The following CFAP70 variants were observed in gnomAD, a reference collection of about 807,000 sequenced individuals.
CFAP70 encodes cilia and flagella associated protein 70, also known as cilia- and flagella-associated protein 70.
CFAP70 carries 81 observed loss-of-function variants against 137.6 expected under a neutral mutation model. That is an observed-to-expected ratio of 0.59 (90% confidence interval 0.49 to 0.71). The LOEUF is 0.71. CFAP70 is among the 30% of genes least tolerant of loss of function. The pLI, the probability that CFAP70 is intolerant of heterozygous loss-of-function variation, is 0.00. For missense variants in CFAP70, 976 were observed against 1,226.7 expected (o/e 0.80, Z 3.05); for synonymous variants, 382 against 423.6 (o/e 0.90, Z 1.20).
intron 3 of CFAP70, among the ~76,000 whole-genome samples, chr10:73,348,868 C>G (rs986801444): frequency 1.3e-5 from 2 of 151,882 alleles, no homozygotes; most frequent in Non-Finnish European, 2.9e-5. Flanking sequence ...TTCGAGACCA[C>G]CCTGACAAAC....
At chr10:73,299,543 T>C in intron 13 of CFAP70, 62 bp downstream of exon 14, 1 of 1,379,688 alleles carries the variant, frequency 7.2e-7, no homozygotes, top group Non-Finnish European at 1.0e-6. Context: ...GTCCATGCAA[T>C]TAACAAGTGC....
chr10:73,281,170 A>C (rs145540506), intron 19 of CFAP70, among the ~76,000 whole-genome samples: 78 of 151,804 alleles, frequency 5.1e-4, no homozygotes, highest in African/African-American at 1.9e-3. Context: ...TGGGTTGATT[A>C]TTTATTTATT....
rs188183792 is a variant in CFAP70, at chr10:73,274,215, A to C, written c.2835+218T>G. On this transcript the variant is annotated intron_variant, in intron 23 of 26. Coordinates refer to ENST00000310715, the Ensembl canonical transcript of CFAP70. ...GAGTTCTTAAGAACTGTTTAGTAGC[A>C]TAATGGTTAAAATCACAGACTCTCG... 4.0e-3 allele frequency among the ~76,000 whole-genome samples: 610 copies of C among 152,358 alleles called. 1 individual carries two copies. Among genetic ancestry groups the C allele is most frequent in the Non-Finnish European group, 6.7e-3 (458 of 68,032 alleles).
intron 1 of CFAP70, among the ~76,000 whole-genome samples, chr10:73,356,753 C>A (rs1378490484): frequency 6.6e-6 from 1 of 152,066 alleles, no homozygotes; most frequent in Non-Finnish European, 1.5e-5. Context: ...TTTGAAATGC[C>A]CTTTTGTATC....
chr10:73,328,535 C>T (rs890553719), intron 8 of CFAP70, among the ~76,000 whole-genome samples: 37 of 147,754 alleles, frequency 2.5e-4, no homozygotes, highest in Admixed American at 2.3e-3. Context: ...AAGAAACTAC[C>T]ATCAGAGTGA....
intron 25 of CFAP70, among the ~76,000 whole-genome samples, chr10:73,256,682 T>C (rs552562022): frequency 2.6e-5 from 4 of 151,732 alleles, no homozygotes; most frequent in South Asian, 2.1e-4. Flanking sequence ...GGTGGGTGGA[T>C]CACAAGGTCA....
At chr10:73,338,238 T>A (rs1280467021) in intron 6 of CFAP70, among the ~76,000 whole-genome samples, 1 of 146,336 alleles carries the variant, frequency 6.8e-6, no homozygotes, top group African/African-American at 2.5e-5. Context: ...TCCGCCTCCG[T>A]GTCCCGGGTT....
At position 73,331,380 on chromosome 10, in the gene CFAP70, C is replaced by T. The variant is rs1251604683; in HGVS notation, c.678-104G>A. The T allele has an allele frequency of 1.1e-5, 11 of 964,878 alleles. No individual in the cohort carries two copies. The Admixed American group carries it at 3.0e-4, about 26-fold the overall frequency. 59.8% of individuals were successfully genotyped at this position (964,878 alleles called of 1,614,324 possible). A position where few individuals can be genotyped will look rare whatever the true frequency, so the allele number is the denominator to read the frequency against. On this transcript the variant is annotated intron_variant, in intron 7 of 26. Coordinates refer to ENST00000310715, the Ensembl canonical transcript of CFAP70. ...CTTTTAGAAAGTAATATAGAATATA[C>T]ATATATAAAAATTGGGGGGCTCGGC... is the stretch of plus-strand genomic sequence containing the variant.
intron 25 of CFAP70, among the ~76,000 whole-genome samples, chr10:73,261,956 G>C (rs1001743307): frequency 1.4e-5 from 2 of 147,424 alleles, no homozygotes; most frequent in African/African-American, 5.0e-5. Flanking sequence ...AAGAATACAT[G>C]TACTGTATAC....
chr10:73,306,804 G>C (rs980753744), intron 12 of CFAP70, among the ~76,000 whole-genome samples: 2 of 152,130 alleles, frequency 1.3e-5, no homozygotes, highest in African/African-American at 4.8e-5. Context: ...ACAAAATTAA[G>C]ACAGTTTGAT....
intron 19 of CFAP70, among the ~76,000 whole-genome samples, chr10:73,281,373 G>A (rs1170906919): frequency 6.6e-6 from 1 of 150,678 alleles, no homozygotes; most frequent in African/African-American, 2.4e-5. Context: ...AATTTTTGTA[G>A]AGATAGAGTT....
exon 21 of CFAP70, chr10:73,277,325 T>C: frequency 6.2e-7 from 1 of 1,614,138 alleles, no homozygotes; most frequent in Non-Finnish European, 8.5e-7. Context: ...AAGGCCGGGA[T>C]GCAGAAGAGC....
chr10:73,346,981 CAGTT>C (rs1324647453), intron 4 of CFAP70: 2 of 152,206 alleles, frequency 1.3e-5, no homozygotes, highest in African/African-American at 4.8e-5. Flanking sequence ...TGTTCACAGT[CAGTT>C]ACAGATCAAA....
chr10:73,354,565 C>T (rs1221470096), intron 2 of CFAP70, among the ~76,000 whole-genome samples, 169 bp downstream of exon 2: 1 of 152,142 alleles, frequency 6.6e-6, no homozygotes, highest in Non-Finnish European at 1.5e-5. Context: ...ATTTGAGACA[C>T]ACAGTAATGT....
intron 9 of CFAP70, among the ~76,000 whole-genome samples, chr10:73,317,970 C>CG (rs2050536972): frequency 6.6e-6 from 1 of 152,062 alleles, no homozygotes; most frequent in Admixed American, 6.6e-5. Flanking sequence ...AATCTGGCAC[C>CG]GCTCTCCTCT....
intron 23 of CFAP70, among the ~76,000 whole-genome samples, chr10:73,273,464 T>C (rs1298310898): frequency 1.3e-5 from 2 of 152,214 alleles, no homozygotes; most frequent in Non-Finnish European, 2.9e-5. Context: ...TCTTAGAATT[T>C]TAGAAAAACT....
intron 25 of CFAP70, 44 bp from the exon 27 acceptor site, chr10:73,256,460 AT>A: frequency 6.2e-7 from 1 of 1,611,980 alleles, no homozygotes; most frequent in Non-Finnish European, 8.5e-7. Flanking sequence ...GGTCATAAAC[AT>A]TATGGTAAGG....
intron 19 of CFAP70, among the ~76,000 whole-genome samples, chr10:73,289,772 G>A (rs1469796419): frequency 3.9e-5 from 6 of 151,900 alleles, no homozygotes; most frequent in South Asian, 2.1e-4. Flanking sequence ...GAGGCTGGTC[G>A]TGGTGGCTTA....
rs1039189761 is a variant in CFAP70 at position 73,273,053 on chromosome 10, G to C, written c.2836-36C>G. On this transcript the variant is annotated intron_variant, in intron 23 of 26. Transcript: ENST00000310715. ...AAAGCACCACTAAGCTACTGTTCTA[G>C]AAGCTTCAAACCCCATATTGCTGGG... 4 of 1,487,660 alleles carry C rather than the reference G, an allele frequency of 2.7e-6. No homozygotes were observed. In the African/African-American group the frequency reaches 4.2e-5, roughly 16 times the overall value. 92.2% of individuals were successfully genotyped at this position (1,487,660 alleles called of 1,614,324 possible).
Sources: allele counts gnomAD v4.1 joint callset (sites outside exome capture counted in the v4.1 genomes callset), GRCh38; gene constraint gnomAD v4.1.1; transcripts MANE v1.5; gene names NCBI Gene and HGNC (gene_info 2026-07-23, HGNC 2026-07-21).